Variants in HEPACAM observed in about 807,000 individuals in gnomAD.
HEPACAM encodes hepatic and glial cell adhesion molecule, also known as hepatocyte cell adhesion molecule.
HEPACAM carries 18 observed loss-of-function variants against 38.3 expected under a neutral mutation model. The observed-to-expected ratio is 0.47, with a 90% CI of 0.33 to 0.70. The LOEUF is 0.70. Ranked by LOEUF, HEPACAM falls within the 30% of genes least tolerant of loss-of-function variation. The pLI, the probability that HEPACAM is intolerant of heterozygous loss-of-function variation, is 0.03. For missense variants in HEPACAM, 466 were observed against 563.0 expected, an observed-to-expected ratio of 0.83 and a Z score of 1.74; for synonymous variants, 216 against 243.1, an observed-to-expected ratio of 0.89 and a Z score of 1.04.
chr11:124,923,951 C>A lies in HEPACAM; in HGVS notation c.487G>T (p.Ala163Ser). 1 of 1,612,266 alleles carries A rather than the reference C, an allele frequency of 6.2e-7. No individual in the cohort carries two copies. The highest frequency in any genetic ancestry group is 8.5e-7 in the Non-Finnish European group (1 of 1,179,972). Residue 163 changes from alanine (A) to serine (S), a missense_variant, in exon 3 of 7, where the codon GCC (alanine) becomes TCC (serine). Physicochemically the swap from Ala to Ser is moderately conservative, Grantham distance 99 (BLOSUM62 1). Coordinates refer to ENST00000298251, the MANE Select transcript of HEPACAM (RefSeq NM_152722.5). ...ASTTVLELSE[A>S]FTLNCSHENG... ...TCATGTGAGCAGTTCAAGGTGAAGG[C>A]CTCGCTGAGCTCCAGCACAGTGGTT...
Position 124,919,711 on chromosome 11 carries a change from C to T in HEPACAM, c.*1427G>A, listed in dbSNP as rs1221855020. On this transcript the variant is annotated 3_prime_UTR_variant, in exon 7 of 7. Transcript: ENST00000298251. ...AGGGGGCAAACTAGAAATGTCAGTG[C>T]CTTTGGGGCTGAGACAAAACTTGAC... The T allele has an allele frequency of 2.5e-6, 4 of 1,604,724 alleles. No homozygotes were observed. The South Asian group carries it at 4.5e-5, about 18-fold the overall frequency.
At chr11:124,932,107 G>T (rs1220360714) in intron 1 of HEPACAM, among the ~76,000 whole-genome samples, 3 of 152,206 alleles carry the variant, frequency 2.0e-5, no homozygotes, top group Non-Finnish European at 4.4e-5. Flanking sequence ...ATTCTGAGGT[G>T]CCAAAATATG....
chr11:124,928,479 C>T (rs146883914), intron 1 of HEPACAM, among the ~76,000 whole-genome samples: 111 of 152,044 alleles, frequency 7.3e-4, no homozygotes, highest in African/African-American at 2.6e-3. Context: ...GCTATGCACG[C>T]AAGGGTTACA....
Position 124,921,372 on chromosome 11 carries a change from G to A in HEPACAM, c.1017C>T (p.Gly339=). The A allele has an allele frequency of 7.9e-7, 1 of 1,271,820 alleles. No homozygotes were observed. The highest frequency in any genetic ancestry group is 9.9e-7 in the Non-Finnish European group (1 of 1,012,040). 78.8% of individuals were successfully genotyped at this position (1,271,820 alleles called of 1,614,324 possible). A position where few individuals can be genotyped will look rare whatever the true frequency, so the allele number is the denominator to read the frequency against. ...PRSATEPGPP[G]YSVSPAVPGR... is the part of the protein sequence containing the mutation. The stretch of plus-strand genomic sequence containing the variant: ...CGGGCACGGCGGGAGACACGGAGTA[G>A]CCGGGCGGGCCGGGCTCCGTCGCGC... Residue 339 remains glycine (G), a synonymous_variant, in exon 7 of 7, where the codon GGC becomes GGT. Coordinates refer to ENST00000298251, the MANE Select transcript of HEPACAM (RefSeq NM_152722.5). This position sits in a 1 kb window ranked among gnomAD's most constrained non-coding sequence, Gnocchi z 4.6.
chr11:124,920,159 C>G lies in HEPACAM; in HGVS notation c.*979G>C, dbSNP rs546050911. 4 of 1,018,160 alleles carry G rather than the reference C, an allele frequency of 3.9e-6. No homozygotes were observed. In the Admixed American group the frequency reaches 7.7e-5, roughly 20 times the overall value. The allele number at this position is 1,018,160 out of a possible 1,614,324, so 63.1% of individuals were successfully genotyped here. On this transcript the variant is annotated 3_prime_UTR_variant, in exon 7 of 7. Coordinates refer to ENST00000298251, the MANE Select transcript of HEPACAM (RefSeq NM_152722.5). ...GCCTCCTCCTCCCCCCACCATTTCT[C>G]TGGAGATTAGGACTTATTCTCACAG...
At chr11:124,933,595 A>G (rs1260628319) in intron 1 of HEPACAM, among the ~76,000 whole-genome samples, 2 of 152,008 alleles carry the variant, frequency 1.3e-5, no homozygotes, top group Non-Finnish European at 2.9e-5. Flanking sequence ...TTTCCTTACC[A>G]TTTGATGACC....
rs183018133 is a variant in HEPACAM, at chr11:124,932,226, C to T, written c.85+3696G>A. On this transcript the variant is annotated intron_variant, in intron 1 of 6. Transcript: ENST00000298251. ...CTTCTTGTATGTAATTTTTAATAAACAATTTAAAAAATGACAGCACCTACA... is the reference window on the plus strand; with the variant it reads ...CTTCTTGTATGTAATTTTTAATAAATAATTTAAAAAATGACAGCACCTACA... Among the ~76,000 whole-genome samples, 269 of 152,156 alleles carry T rather than the reference C, an allele frequency of 1.8e-3. 3 individuals are homozygous for T. The highest frequency in any genetic ancestry group is 6.1e-3 in the African/African-American group (254 of 41,510).
chr11:124,923,126 TG>T (rs1947161751), intron 4 of HEPACAM, among the ~76,000 whole-genome samples: 1 of 151,982 alleles, frequency 6.6e-6, no homozygotes, highest in Admixed American at 6.5e-5. Context: ...CCAAAAAAGG[TG>T]GTTGGCCAGT....
chr11:124,922,276 C>T lies in HEPACAM; in HGVS notation c.948+112G>A, dbSNP rs1299995180. ...TTGAAACCAGTCCCTGGTGCCAAAA[C>T]CGTTGGGGACTGCTGCTATAAAGGG... is the stretch of plus-strand genomic sequence containing the variant. On this transcript the variant is annotated intron_variant, in intron 6 of 6. Transcript: ENST00000298251. The T allele has an allele frequency of 5.1e-6, 6 of 1,179,106 alleles. No individual in the cohort carries two copies. In the African/African-American group the frequency reaches 7.5e-5, roughly 15 times the overall value. The allele number at this position is 1,179,106 out of a possible 1,614,324, so 73.0% of individuals were successfully genotyped here.
Position 124,920,012 on chromosome 11 carries a change from G to T in HEPACAM, c.*1126C>A. On this transcript the variant is annotated 3_prime_UTR_variant, in exon 7 of 7. Transcript: ENST00000298251. ...GCCCAGCCTCTTTATTTTGATGTTA[G>T]TGTGATTAGGGAGTCTGCCCTTTTT... The T allele has an allele frequency of 3.7e-6, 6 of 1,612,478 alleles. No individual in the cohort carries two copies. Among genetic ancestry groups the T allele is most frequent in the Non-Finnish European group, 4.2e-6 (5 of 1,179,764 alleles).
At position 124,922,412 on chromosome 11, in the gene HEPACAM, C is replaced by A. The variant is rs760396283; in HGVS notation, c.924G>T (p.Met308Ile). The A allele has an allele frequency of 3.7e-6, 6 of 1,614,066 alleles. No homozygotes were observed. In the Admixed American group the frequency reaches 5.0e-5, roughly 13 times the overall value. Residue 308 changes from methionine to isoleucine, a missense_variant, in exon 6 of 7, where the codon ATG becomes ATT. By Grantham distance (10) the Met-to-Ile change is conservative. Coordinates refer to ENST00000298251, the MANE Select transcript of HEPACAM (RefSeq NM_152722.5). ...RSGEQERKNPMALYILKDKDS... is the reference protein window; with the variant it reads ...RSGEQERKNPIALYILKDKDS... ...CCTTGTCCTTCAGGATATAGAGTGC[C>A]ATGGGGTTCTTCCGTTCCTGCTCAC... is the stretch of plus-strand genomic sequence containing the variant.
intron 1 of HEPACAM, among the ~76,000 whole-genome samples, chr11:124,929,297 C>T (rs1345448404): frequency 6.6e-6 from 1 of 152,220 alleles, no homozygotes; most frequent in East Asian, 1.9e-4. Context: ...CTCATCATGC[C>T]TATGAACATG....
chr11:124,919,683 C>A lies in HEPACAM; in HGVS notation c.*1455G>T, dbSNP rs891177140. 1.9e-6 allele frequency: 3 copies of A among 1,556,664 alleles called. No homozygotes were observed. Among genetic ancestry groups the A allele is most frequent in the African/African-American group, 2.7e-5 (2 of 73,938 alleles). On this transcript the variant is annotated 3_prime_UTR_variant, in exon 7 of 7. Coordinates refer to ENST00000298251, the MANE Select transcript of HEPACAM (RefSeq NM_152722.5). ...GACAGGCATGCTGTGGGGTTCAGGG[C>A]AGAGGGGGCAAACTAGAAATGTCAG...
chr11:124,929,944 C>T (rs1309815860), intron 1 of HEPACAM, among the ~76,000 whole-genome samples: 3 of 152,042 alleles, frequency 2.0e-5, no homozygotes, highest in African/African-American at 7.2e-5. Context: ...GGGGGTAGTG[C>T]CAAATATGTG....
rs973130772 is a variant in HEPACAM at position 124,920,539 on chromosome 11, G to T, written c.*599C>A. ...CCACCTTGTAGGTCCCCAGGTACCAGGTGCCCAGGGAAGAAGGCCTTCACA... is the reference window on the plus strand; with the variant it reads ...CCACCTTGTAGGTCCCCAGGTACCATGTGCCCAGGGAAGAAGGCCTTCACA... On this transcript the variant is annotated 3_prime_UTR_variant, in exon 7 of 7. Transcript: ENST00000298251. The T allele has an allele frequency of 7.1e-7, 1 of 1,409,488 alleles. No homozygotes were observed. Among genetic ancestry groups the T allele is most frequent in the Non-Finnish European group, 9.4e-7 (1 of 1,063,554 alleles). The allele number at this position is 1,409,488 out of a possible 1,614,324, so 87.3% of individuals were successfully genotyped here.
chr11:124,933,566 G>A lies in HEPACAM; in HGVS notation c.85+2356C>T, dbSNP rs776030212. Reference sequence around the variant, plus strand: ...TTTTGTCCCAGTCTTACTGACCGACGTGATCTTTCTATAATTTTTTTCCTT... The same window carrying A: ...TTTTGTCCCAGTCTTACTGACCGACATGATCTTTCTATAATTTTTTTCCTT... On this transcript the variant is annotated intron_variant, in intron 1 of 6. Transcript: ENST00000298251. Among the ~76,000 whole-genome samples the A allele has an allele frequency of 6.6e-5, 10 of 152,160 alleles. No individual in the cohort carries two copies. In the South Asian group the frequency reaches 8.3e-4, roughly 13 times the overall value.
intron 1 of HEPACAM, 124 bp from the exon 2 acceptor site, chr11:124,925,193 C>A: frequency 4.2e-6 from 3 of 717,732 alleles, no homozygotes; most frequent in Non-Finnish European, 6.7e-6. Flanking sequence ...CCCTGCCAAT[C>A]CTGGCTTCTT....
chr11:124,929,470 A>G (rs1186140414), intron 1 of HEPACAM, among the ~76,000 whole-genome samples: 1 of 152,216 alleles, frequency 6.6e-6, no homozygotes, highest in African/African-American at 2.4e-5. Flanking sequence ...ACAACTTTCA[A>G]GGGACACAGA....
In HEPACAM at chr11:124,924,118, C is replaced by T. The variant is rs1947176672; in HGVS notation, c.428-108G>A. 9.3e-7 allele frequency: 1 copy of T among 1,079,638 alleles called. No homozygotes were observed. The highest frequency in any genetic ancestry group is 2.0e-5 in the Admixed American group (1 of 50,290). 66.9% of individuals were successfully genotyped at this position (1,079,638 alleles called of 1,614,324 possible). A position where few individuals can be genotyped will look rare whatever the true frequency, so the allele number is the denominator to read the frequency against. The stretch of plus-strand genomic sequence containing the variant: ...ACACCTTTAACACTACCTTCCAACT[C>T]AATCTGTGGGCTGAGAAGACTTCAG... On this transcript the variant is annotated intron_variant, in intron 2 of 6. Transcript: ENST00000298251. The surrounding 1 kb of genome is among the most constrained non-coding windows in gnomAD (Gnocchi z 4.4).
Sources: allele counts gnomAD v4.1 joint callset (sites outside exome capture counted in the v4.1 genomes callset), GRCh38; gene constraint gnomAD v4.1.1; non-coding constraint Gnocchi (gnomAD v3.1); transcripts MANE v1.5; gene names NCBI Gene and HGNC (gene_info 2026-07-23, HGNC 2026-07-21).